USH2A: variants seen among roughly 807,000 people sequenced by gnomAD.
The protein encoded by USH2A is usherin.
Under a neutral mutation model 538.9 loss-of-function variants are expected in USH2A, and 443 were observed. The ratio of observed to expected loss-of-function variants is 0.82; its 90% confidence interval spans 0.76 to 0.89. USH2A has a LOEUF of 0.89. Among genes scored for constraint, USH2A ranks in the 40% least tolerant of loss-of-function variants. USH2A has a pLI of 0.00. For synonymous variants in USH2A, 2,413 were observed against 2,273.5 expected, an observed-to-expected ratio of 1.06 and a Z score of -1.75; for missense variants, 6,633 against 6,324.8, an observed-to-expected ratio of 1.05 and a Z score of -1.65.
In USH2A at chr1:216,302,347, G is replaced by A. The variant is rs960131991; in HGVS notation, c.1645-9977C>T. On this transcript the variant is annotated intron_variant, in intron 9 of 71. Coordinates refer to ENST00000307340, the MANE Select transcript of USH2A (RefSeq NM_206933.4). ...GAATAGTAACATTAAAGGTTTAAAG[G>A]CAAATGCAATAATACTTCACCTGTG... 3.9e-5 allele frequency among the ~76,000 whole-genome samples: 6 copies of A among 152,054 alleles called. No homozygotes were observed. In the East Asian group the frequency reaches 1.2e-3, roughly 29 times the overall value.
chr1:215,916,120 T>C (rs1665946654), intron 38 of USH2A, among the ~76,000 whole-genome samples: 1 of 151,672 alleles, frequency 6.6e-6, no homozygotes, highest in Non-Finnish European at 1.5e-5. Flanking sequence ...CACACCAGCA[T>C]GGCACATGTA....
Position 215,627,465 on chromosome 1 carries a change from C to CTTCCTTCCTTCCTTCCTTCT in USH2A, c.15519+1329_15519+1348dup, listed in dbSNP as rs1558027641. Among the ~76,000 whole-genome samples, 367 of 132,700 alleles carry CTTCCTTCCTTCCTTCCTTCT rather than the reference C, an allele frequency of 2.8e-3. 5 individuals are homozygous for CTTCCTTCCTTCCTTCCTTCT. The highest frequency in any genetic ancestry group is 0.011 in the African/African-American group (342 of 31,882). 87.1% of individuals were successfully genotyped at this position (132,700 alleles called of 152,430 possible). ...CCTTCCTTCCTTCCTTCCTTCCTTC[C>CTTCCTTCCTTCCTTCCTTCT]TTCCTTCCTTCCTTCCTTCTTTCCT... is the stretch of plus-strand genomic sequence containing the variant. On this transcript the variant is annotated intron_variant, in intron 71 of 71. Transcript: ENST00000307340.
chr1:215,955,132 C>A (rs1321435438), intron 37 of USH2A, among the ~76,000 whole-genome samples: 1 of 152,070 alleles, frequency 6.6e-6, no homozygotes, highest in Non-Finnish European at 1.5e-5. Context: ...TTTTATATTT[C>A]TATATGATTA....
chr1:215,809,978 G>A (rs1662620027), intron 49 of USH2A, among the ~76,000 whole-genome samples: 1 of 152,150 alleles, frequency 6.6e-6, no homozygotes, highest in African/African-American at 2.4e-5. Flanking sequence ...CCACGGGGCT[G>A]AGGACAGAGG....
At chr1:216,191,992 G>T (rs2034725400) in intron 19 of USH2A, among the ~76,000 whole-genome samples, 1 of 151,946 alleles carries the variant, frequency 6.6e-6, no homozygotes, top group Non-Finnish European at 1.5e-5. Flanking sequence ...AGAACTTGCA[G>T]CATAAAATTA....
chr1:216,392,951 T>C (rs1412406817), intron 3 of USH2A, among the ~76,000 whole-genome samples: 2 of 152,212 alleles, frequency 1.3e-5, no homozygotes, highest in Non-Finnish European at 2.9e-5. Context: ...TTATTATGTA[T>C]AGCTTCTTAA....
At chr1:216,260,581 C>T (rs1319457784) in intron 11 of USH2A, among the ~76,000 whole-genome samples, 1 of 152,128 alleles carries the variant, frequency 6.6e-6, no homozygotes, top group East Asian at 1.9e-4. Flanking sequence ...TTACCCAGCC[C>T]AGAATAGCCA....
At chr1:215,689,697 T>C (rs143068808) in intron 61 of USH2A, among the ~76,000 whole-genome samples, 19 of 152,320 alleles carry the variant, frequency 1.2e-4, no homozygotes, top group Non-Finnish European at 2.1e-4. Context: ...AGGTGGTCTC[T>C]AGGACATGAG....
chr1:216,283,281 G>A (rs529362887), intron 11 of USH2A, among the ~76,000 whole-genome samples: 15 of 152,138 alleles, frequency 9.9e-5, no homozygotes, highest in Non-Finnish European at 2.1e-4. Flanking sequence ...TAATAGAGAT[G>A]GGGTTTCACC....
intron 61 of USH2A, among the ~76,000 whole-genome samples, chr1:215,681,408 A>G (rs764569331): frequency 1.3e-5 from 2 of 152,122 alleles, no homozygotes; most frequent in African/African-American, 2.4e-5. Flanking sequence ...AAATCATGAG[A>G]AAGTTTTGAC....
At chr1:216,237,186 C>T (rs1478988302) in intron 13 of USH2A, among the ~76,000 whole-genome samples, 1 of 152,070 alleles carries the variant, frequency 6.6e-6, no homozygotes, top group Non-Finnish European at 1.5e-5. Context: ...CAATTTACCT[C>T]ATCATTATTT....
chr1:216,201,230 A>T (rs116432708), intron 16 of USH2A, among the ~76,000 whole-genome samples: 20 of 150,818 alleles, frequency 1.3e-4, no homozygotes, highest in African/African-American at 4.9e-4. Context: ...TCTTTCCTGG[A>T]TCTGCCATTG....
rs112430276 is a variant in USH2A, at chr1:215,946,572, G to A, written c.7121-11777C>T. Among the ~76,000 whole-genome samples, 8 of 152,174 alleles carry A rather than the reference G, an allele frequency of 5.3e-5. No homozygotes were observed. The South Asian group carries it at 6.2e-4, about 12-fold the overall frequency. On this transcript the variant is annotated intron_variant, in intron 37 of 71. Transcript: ENST00000307340. The stretch of plus-strand genomic sequence containing the variant: ...GTCATGTCATTATTTCTTGAAACCC[G>A]GTAGACAAAACATTCCCAATAGTTT...
At position 216,321,865 on chromosome 1, in the gene USH2A, G is replaced by C. The variant is rs989353791; in HGVS notation, c.1644+18C>G. 4 of 1,596,980 alleles carry C rather than the reference G, an allele frequency of 2.5e-6. No homozygotes were observed. The African/African-American group carries it at 4.0e-5, about 16-fold the overall frequency. On this transcript the variant is annotated intron_variant, in intron 9 of 71. Transcript: ENST00000307340. Reference sequence around the variant, plus strand: ...TACTATTTTTTTTTTAGATTTCCATGCATAAAATAGAACTCACATGAAGTC... The same window carrying C: ...TACTATTTTTTTTTTAGATTTCCATCCATAAAATAGAACTCACATGAAGTC...
intron 22 of USH2A, among the ~76,000 whole-genome samples, chr1:216,092,428 T>C (rs1413983781): frequency 2.6e-5 from 4 of 152,340 alleles, no homozygotes; most frequent in Middle Eastern, 3.4e-3. Flanking sequence ...CCAAAGTATT[T>C]AAAATATAAA....
At chr1:215,926,993 T>C (rs942392140) in intron 38 of USH2A, among the ~76,000 whole-genome samples, 1 of 152,274 alleles carries the variant, frequency 6.6e-6, no homozygotes, top group African/African-American at 2.4e-5. Context: ...TTGACTACTC[T>C]GTAGTTCAAG....
intron 3 of USH2A, among the ~76,000 whole-genome samples, chr1:216,407,805 GATATA>G (rs1331266463): frequency 6.6e-6 from 1 of 151,934 alleles, no homozygotes; most frequent in Non-Finnish European, 1.5e-5. Context: ...AGGTGAAAAT[GATATA>G]ATATAAATGA....
chr1:216,297,287 G>T (rs940801916), intron 9 of USH2A, among the ~76,000 whole-genome samples: 2 of 151,990 alleles, frequency 1.3e-5, no homozygotes, highest in Non-Finnish European at 2.9e-5. Flanking sequence ...TACTTTGATC[G>T]TTATTGGATT....
At chr1:215,818,522 G>A (rs2102797812) in intron 47 of USH2A, among the ~76,000 whole-genome samples, 1 of 151,670 alleles carries the variant, frequency 6.6e-6, no homozygotes, top group African/African-American at 2.4e-5. Flanking sequence ...TAAAGAAAAT[G>A]TTTGATTTTA....
Sources: allele counts gnomAD v4.1 joint callset (sites outside exome capture counted in the v4.1 genomes callset), GRCh38; gene constraint gnomAD v4.1.1; transcripts MANE v1.5; gene names NCBI Gene and HGNC (gene_info 2026-07-23, HGNC 2026-07-21).